NRXN2: variants seen among roughly 807,000 people sequenced by gnomAD.
NRXN2 encodes the protein neurexin-2-beta.
A neutral mutation model predicts 128.8 loss-of-function variants in NRXN2; 29 were observed. That is an observed-to-expected ratio of 0.23 (90% confidence interval 0.17 to 0.31). NRXN2 has a LOEUF of 0.31. NRXN2 is among the 10% of genes least tolerant of loss of function. NRXN2 has a pLI of 1.00. For missense variants in NRXN2, 1,881 were observed against 2,452.6 expected, an observed-to-expected ratio of 0.77 and a Z score of 4.92; for synonymous variants, 1,098 against 1,075.2, an observed-to-expected ratio of 1.02 and a Z score of -0.41.
chr11:64,709,746 G>A (rs2056707076), intron 2 of NRXN2, among the ~76,000 whole-genome samples: 1 of 151,912 alleles, frequency 6.6e-6, no homozygotes, highest in South Asian at 2.1e-4. Context: ...TAGGTGCTGG[G>A]AATACAGAAA....
chr11:64,669,430 AG>A (rs544163265), intron 7 of NRXN2, among the ~76,000 whole-genome samples: 205 of 152,294 alleles, frequency 1.3e-3, no homozygotes, highest in African/African-American at 4.8e-3. Flanking sequence ...GAGTTACTCC[AG>A]GGAGTCAGGG....
At chr11:64,673,971 G>T (rs752482622) in intron 7 of NRXN2, among the ~76,000 whole-genome samples, 15 of 150,928 alleles carry the variant, frequency 9.9e-5, no homozygotes, top group Non-Finnish European at 1.9e-4. Context: ...CCTGGAGGCA[G>T]AGGTTGCAGT....
intron 21 of NRXN2, among the ~76,000 whole-genome samples, chr11:64,621,830 GC>G (rs1169106599): frequency 2.0e-5 from 3 of 152,134 alleles, no homozygotes; most frequent in Non-Finnish European, 4.4e-5. Flanking sequence ...CTAGAAAACA[GC>G]CCAGCCTGGG....
In NRXN2 at chr11:64,648,867, G is replaced by A. The variant is rs751987238; in HGVS notation, c.3150C>T (p.Ser1050=). The A allele has an allele frequency of 6.2e-7, 1 of 1,614,198 alleles. No homozygotes were observed. The highest frequency in any genetic ancestry group is 8.5e-7 in the Non-Finnish European group (1 of 1,180,024). The part of the protein sequence containing the change: ...YIGGLSKNMF[S]NLPKLVASRD... ...GGGAGGCCACCAGCTTGGGCAGGTT[G>A]CTGAACATATTCTTGCTCAGACCGC... The change falls in exon 16 of 23, where the codon AGC becomes AGT. Residue 1050 remains serine (S), a synonymous_variant. Transcript: ENST00000265459. This position sits in a 1 kb window ranked among gnomAD's most constrained non-coding sequence, Gnocchi z 4.1.
chr11:64,616,368 T>C (rs1238460016), intron 22 of NRXN2, among the ~76,000 whole-genome samples: 2 of 152,182 alleles, frequency 1.3e-5, no homozygotes, highest in Non-Finnish European at 2.9e-5. Context: ...ACATGTGCAC[T>C]GTGGTGGGTC....
rs147934578 is a variant in NRXN2 at position 64,702,863 on chromosome 11, G to A, written c.731-5071C>T. Among the ~76,000 whole-genome samples, 526 of 148,742 alleles carry A rather than the reference G, an allele frequency of 3.5e-3. 3 individuals carry two copies. Among genetic ancestry groups the A allele is most frequent in the Non-Finnish European group, 4.5e-3 (303 of 67,234 alleles). ...AAATTAGCCAGACATGGTGGTGTGCGCCTGTAGTCCCAGCTACTCAGGAGG... is the reference window on the plus strand; with the variant it reads ...AAATTAGCCAGACATGGTGGTGTGCACCTGTAGTCCCAGCTACTCAGGAGG... On this transcript the variant is annotated intron_variant, in intron 2 of 22. Transcript: ENST00000265459.
intron 18 of NRXN2, among the ~76,000 whole-genome samples, chr11:64,633,116 C>T (rs1287469708): frequency 2.6e-5 from 4 of 152,218 alleles, no homozygotes; most frequent in African/African-American, 4.8e-5. Context: ...CTGCCCTCTG[C>T]CGTACCCGGC....
intron 2 of NRXN2, among the ~76,000 whole-genome samples, chr11:64,699,665 G>A (rs996774817): frequency 6.6e-6 from 1 of 151,968 alleles, no homozygotes. Flanking sequence ...TGCCCGCCTC[G>A]GCCTCCCAAA....
At position 64,623,248 on chromosome 11, in the gene NRXN2, A is replaced by G. The variant is rs2042632220; in HGVS notation, c.3848-170T>C. On this transcript the variant is annotated intron_variant, in intron 20 of 22. Coordinates refer to ENST00000265459, the MANE Select transcript of NRXN2 (RefSeq NM_015080.4). The surrounding 1 kb of genome is among the most constrained non-coding windows in gnomAD (Gnocchi z 4.9). The stretch of plus-strand genomic sequence containing the variant: ...GGAAGGGGCAGAAAGCCAAAGGGAA[A>G]GTCCTTGTCAGCCACAGCCCCTAGC... 8.4e-7 allele frequency: 1 copy of G among 1,186,966 alleles called. No individual in the cohort carries two copies. Among genetic ancestry groups the G allele is most frequent in the African/African-American group, 1.5e-5 (1 of 64,888 alleles). The allele number at this position is 1,186,966 out of a possible 1,614,324, so 73.5% of individuals were successfully genotyped here. A position where few individuals can be genotyped will look rare whatever the true frequency, so the allele number is the denominator to read the frequency against.
rs1220320136 is a variant in NRXN2 at position 64,722,964 on chromosome 11, A to G, written c.-245+7T>C. 3 of 18,812 alleles carry G rather than the reference A, an allele frequency of 1.6e-4. No homozygotes were observed. 1.2% of individuals were successfully genotyped at this position (18,812 alleles called of 1,614,324 possible). A position where few individuals can be genotyped will look rare whatever the true frequency, so the allele number is the denominator to read the frequency against. On this transcript the variant is annotated splice_region_variant and intron_variant, in intron 1 of 22. Coordinates refer to ENST00000265459, the MANE Select transcript of NRXN2 (RefSeq NM_015080.4). ...TCCGCCGCAGCGCCCCCCCCCCCCCATTTTACCTGGTTCTCGGGGCGCCAG... is the reference window on the plus strand; with the variant it reads ...TCCGCCGCAGCGCCCCCCCCCCCCCGTTTTACCTGGTTCTCGGGGCGCCAG...
At chr11:64,704,906 G>T (rs1040048451) in intron 2 of NRXN2, among the ~76,000 whole-genome samples, 4 of 152,166 alleles carry the variant, frequency 2.6e-5, no homozygotes, top group African/African-American at 9.7e-5. Flanking sequence ...GAGGCAGAGA[G>T]GTGTGTAACA....
intron 7 of NRXN2, among the ~76,000 whole-genome samples, chr11:64,672,694 G>C (rs571669721): frequency 6.6e-6 from 1 of 151,986 alleles, no homozygotes; most frequent in South Asian, 2.1e-4. Context: ...GATTGAGTGG[G>C]TGGAAATAAG....
At chr11:64,686,296 A>G (rs1243371047) in intron 5 of NRXN2, among the ~76,000 whole-genome samples, 1 of 152,036 alleles carries the variant, frequency 6.6e-6, no homozygotes, top group Non-Finnish European at 1.5e-5. Context: ...ACTCCCCTTA[A>G]CAAAGGGACA....
intron 8 of NRXN2, 132 bp downstream of exon 8, chr11:64,668,311 G>T (rs746846700): frequency 1.1e-5 from 13 of 1,138,698 alleles, no homozygotes; most frequent in Non-Finnish European, 1.5e-5. Context: ...GTTTTAAAGA[G>T]GGGGTGTCTC....
At chr11:64,703,759 C>T (rs891698181) in intron 2 of NRXN2, among the ~76,000 whole-genome samples, 1 of 152,140 alleles carries the variant, frequency 6.6e-6, no homozygotes, top group African/African-American at 2.4e-5. Context: ...CTCCTTGAAG[C>T]CTTCCCTGAC....
intron 17 of NRXN2, chr11:64,642,723 C>A: frequency 1.4e-6 from 2 of 1,423,980 alleles, no homozygotes; most frequent in Non-Finnish European, 1.9e-6. Context: ...GCGGCGGCGG[C>A]GGTGGAGGCG....
chr11:64,702,255 G>T (rs1451318536), intron 2 of NRXN2, among the ~76,000 whole-genome samples: 2 of 152,118 alleles, frequency 1.3e-5, no homozygotes, highest in African/African-American at 4.8e-5. Flanking sequence ...CCCCTACTGG[G>T]AAGTGAGGAG....
At chr11:64,721,932 C>T (rs1040818556) in intron 1 of NRXN2, among the ~76,000 whole-genome samples, 2 of 152,062 alleles carry the variant, frequency 1.3e-5, no homozygotes, top group Non-Finnish European at 1.5e-5. Flanking sequence ...AGAAAAAGCC[C>T]CTCCCAGCCC....
chr11:64,651,955 A>G lies in NRXN2; in HGVS notation c.2536+80T>C. On this transcript the variant is annotated intron_variant, in intron 13 of 22. Transcript: ENST00000265459. The surrounding 1 kb of genome is among the most constrained non-coding windows in gnomAD (Gnocchi z 5.9). ...AACACTGCCCTAGGAATGGCAGCCCAGGCAGTAGTCACCAAGTAGAACAGG... is the reference window on the plus strand; with the variant it reads ...AACACTGCCCTAGGAATGGCAGCCCGGGCAGTAGTCACCAAGTAGAACAGG... 6.3e-7 allele frequency: 1 copy of G among 1,589,592 alleles called. No individual in the cohort carries two copies. Among genetic ancestry groups the G allele is most frequent in the Non-Finnish European group, 8.5e-7 (1 of 1,169,600 alleles).
Sources: gnomAD v4.1 joint callset for allele counts (sites outside exome capture counted in the v4.1 genomes callset) on GRCh38, gnomAD v4.1.1 for gene constraint, Gnocchi (gnomAD v3.1) non-coding constraint, MANE v1.5 for transcripts, NCBI Gene and HGNC (gene_info 2026-07-23, HGNC 2026-07-21) for gene names.